The following AKAP19 variants were observed in gnomAD, a reference collection of about 807,000 sequenced individuals.
AKAP19 encodes A-kinase anchoring protein 19.
At chr2:190,166,232 C>G in the AKAP19 span, among the ~76,000 whole-genome samples, 2 of 146,840 alleles carry the variant, frequency 1.4e-5, no homozygotes, top group East Asian at 4.0e-4. Flanking sequence ...AATGGGAAAT[C>G]TTCTGGAAAA....
the AKAP19 span, among the ~76,000 whole-genome samples, chr2:190,142,635 T>G: frequency 1.3e-5 from 2 of 152,080 alleles, no homozygotes; most frequent in Non-Finnish European, 2.9e-5. Flanking sequence ...TGGTAAGAAA[T>G]GAGGATGAAA....
the AKAP19 span, among the ~76,000 whole-genome samples, chr2:189,955,651 G>A: frequency 6.6e-6 from 1 of 152,016 alleles, no homozygotes; most frequent in African/African-American, 2.4e-5. Context: ...TTTAATAACC[G>A]CCATTCTGAC....
chr2:189,967,854 TAAAA>T, the AKAP19 span, among the ~76,000 whole-genome samples: 1 of 139,806 alleles, frequency 7.2e-6, no homozygotes, highest in East Asian at 2.0e-4. Context: ...AATTTGAAAT[TAAAA>T]AAAAAAAAGG....
At chr2:190,190,793 A>G in the AKAP19 span, among the ~76,000 whole-genome samples, 1 of 152,308 alleles carries the variant, frequency 6.6e-6, no homozygotes, top group Middle Eastern at 3.4e-3. Context: ...TTTAACATAC[A>G]GTAAAGCTGA....
At chr2:190,177,003 T>C in the AKAP19 span, among the ~76,000 whole-genome samples, 1 of 152,206 alleles carries the variant, frequency 6.6e-6, no homozygotes, top group Admixed American at 6.5e-5. This position sits in a 1 kb window ranked among gnomAD's most constrained non-coding sequence, Gnocchi z 4.6. Flanking sequence ...AAAAGATTTT[T>C]TTTTTCCCTA....
chr2:189,926,114 C>T, the AKAP19 span, among the ~76,000 whole-genome samples: 1 of 152,060 alleles, frequency 6.6e-6, no homozygotes, highest in Non-Finnish European at 1.5e-5. Flanking sequence ...CATTGATATT[C>T]GGTTGATCAC....
the AKAP19 span, among the ~76,000 whole-genome samples, chr2:190,107,954 C>T: frequency 1.2e-4 from 19 of 152,148 alleles, no homozygotes; most frequent in Admixed American, 1.1e-3. Context: ...AAGTAACTTG[C>T]TCAAGTTAAC....
At chr2:190,062,144 C>G in the AKAP19 span, 2 of 1,511,850 alleles carry the variant, frequency 1.3e-6, no homozygotes, top group Non-Finnish European at 1.8e-6. Flanking sequence ...TTTAAAAGAG[C>G]CTGAAAATAG....
At chr2:189,930,406 G>C in the AKAP19 span, 1 of 298,734 alleles carries the variant, frequency 3.3e-6, no homozygotes, top group South Asian at 4.3e-5. Flanking sequence ...GGCTGGGCGC[G>C]GTGGCTTCAC....
the AKAP19 span, among the ~76,000 whole-genome samples, chr2:190,111,459 A>T: frequency 2.6e-5 from 4 of 152,186 alleles, no homozygotes; most frequent in Non-Finnish European, 5.9e-5. Context: ...AAATAGAGGT[A>T]TGATATTACA....
At chr2:190,026,468 A>C in the AKAP19 span, among the ~76,000 whole-genome samples, 1 of 152,212 alleles carries the variant, frequency 6.6e-6, no homozygotes, top group African/African-American at 2.4e-5. Context: ...TATGGTTATA[A>C]AAATGTTAGA....
At chr2:190,173,874 C>T in the AKAP19 span, among the ~76,000 whole-genome samples, 2 of 152,158 alleles carry the variant, frequency 1.3e-5, no homozygotes, top group African/African-American at 4.8e-5. Flanking sequence ...GTTCTTTGTT[C>T]TCCATCTTAA....
chr2:190,039,583 G>A, the AKAP19 span, among the ~76,000 whole-genome samples: 1 of 152,030 alleles, frequency 6.6e-6, no homozygotes, highest in Non-Finnish European at 1.5e-5. Context: ...GTAAACGTGT[G>A]CCACAGGGGG....
chr2:190,152,618 C>CTTTT, the AKAP19 span, among the ~76,000 whole-genome samples: 1 of 152,168 alleles, frequency 6.6e-6, no homozygotes, highest in Non-Finnish European at 1.5e-5. Context: ...TTTTTGTTCA[C>CTTTT]TTTTTCCCCC....
the AKAP19 span, among the ~76,000 whole-genome samples, chr2:190,073,029 C>A: frequency 2.6e-5 from 4 of 151,850 alleles, no homozygotes; most frequent in Non-Finnish European, 5.9e-5. Flanking sequence ...GCAAAGTAAT[C>A]GAATTGATAA....
the AKAP19 span, among the ~76,000 whole-genome samples, chr2:189,886,590 G>A: frequency 5.1e-3 from 775 of 152,302 alleles, 8 homozygotes; most frequent in African/African-American, 0.018. Flanking sequence ...TGTTAAGTCG[G>A]AAGAATAGAA....
At chr2:190,068,873 G>A in the AKAP19 span, among the ~76,000 whole-genome samples, 4 of 152,152 alleles carry the variant, frequency 2.6e-5, no homozygotes, top group Non-Finnish European at 2.9e-5. Context: ...CACTGCAGTA[G>A]TTCTCCAGTG....
At chr2:189,902,801 G>T in the AKAP19 span, among the ~76,000 whole-genome samples, 5,178 of 151,210 alleles carry the variant, frequency 0.034, 133 homozygotes, top group South Asian at 0.054. Context: ...CTTGAATTTA[G>T]CCAATAGGAA....
chr2:189,905,266 G>A, the AKAP19 span, among the ~76,000 whole-genome samples: 5 of 151,814 alleles, frequency 3.3e-5, no homozygotes, highest in Non-Finnish European at 7.4e-5. Flanking sequence ...AACATATAAT[G>A]TCCTATGTTT....
Sources: allele counts gnomAD v4.1 joint callset (sites outside exome capture counted in the v4.1 genomes callset), GRCh38; gene constraint gnomAD v4.1.1; non-coding constraint Gnocchi (gnomAD v3.1); transcripts MANE v1.5; gene names NCBI Gene and HGNC (gene_info 2026-07-23, HGNC 2026-07-21).